ALDH1A2: variants seen among roughly 807,000 people sequenced by gnomAD.
ALDH1A2 encodes the protein retinal dehydrogenase 2.
Under a neutral mutation model 60.3 loss-of-function variants are expected in ALDH1A2, and 27 were observed. That is an observed-to-expected ratio of 0.45 (90% CI 0.33 to 0.62). The LOEUF is 0.62. Ranked by LOEUF, ALDH1A2 falls within the 20% of genes least tolerant of loss-of-function variation. The pLI, the probability that ALDH1A2 is intolerant of heterozygous loss-of-function variation, is 0.02. For synonymous variants in ALDH1A2, 289 were observed against 232.4 expected (o/e 1.24, Z -2.21); for missense variants, 581 against 643.8 (o/e 0.90, Z 1.06).
intron 1 of ALDH1A2, among the ~76,000 whole-genome samples, chr15:58,057,516 C>G (rs1490110305): frequency 6.6e-6 from 1 of 152,174 alleles, no homozygotes; most frequent in Non-Finnish European, 1.5e-5. Flanking sequence ...ACATTAAGAA[C>G]TAACAAATCT....
chr15:57,959,325 G>A (rs1893644532), intron 12 of ALDH1A2, among the ~76,000 whole-genome samples: 1 of 152,200 alleles, frequency 6.6e-6, no homozygotes, highest in Admixed American at 6.5e-5. Context: ...GGAAGCAGAA[G>A]GTGAAGGTCA....
rs561259115 is a variant in ALDH1A2, at chr15:58,042,900, A to T, written c.117+22634T>A. On this transcript the variant is annotated intron_variant, in intron 1 of 12. Coordinates refer to ENST00000249750, the MANE Select transcript of ALDH1A2 (RefSeq NM_003888.4). ...CTTGAAGTCTGAAAGGCCAAATTGA[A>T]TTGCAGTCTTCTCACCTGGCCACTA... 5.3e-5 allele frequency among the ~76,000 whole-genome samples: 8 copies of T among 152,068 alleles called. No homozygotes were observed. The East Asian group carries it at 1.6e-3, about 30-fold the overall frequency.
chr15:58,009,379 G>C (rs780360273), intron 4 of ALDH1A2, among the ~76,000 whole-genome samples: 23 of 151,890 alleles, frequency 1.5e-4, no homozygotes, highest in Non-Finnish European at 3.1e-4. Context: ...AATTGGAGAA[G>C]AACTATTCCC....
chr15:57,986,224 A>G (rs1283484086), intron 7 of ALDH1A2, among the ~76,000 whole-genome samples: 1 of 152,182 alleles, frequency 6.6e-6, no homozygotes. Context: ...ATCTAGAGAA[A>G]AGGAAATCCT....
chr15:58,059,251 G>T (rs185213179), intron 1 of ALDH1A2, among the ~76,000 whole-genome samples: 149 of 152,234 alleles, frequency 9.8e-4, no homozygotes, highest in African/African-American at 3.3e-3. Context: ...TCACCTCTAC[G>T]TGAATTAGAT....
At position 58,065,596 on chromosome 15, in the gene ALDH1A2, G is replaced by A; in HGVS notation, c.55C>T (p.Leu19Phe). 6.2e-7 allele frequency: 1 copy of A among 1,612,378 alleles called. No homozygotes were observed. Among genetic ancestry groups the A allele is most frequent in the Non-Finnish European group, 8.5e-7 (1 of 1,179,100 alleles). The stretch of plus-strand genomic sequence containing the variant: ...GGCAGGAGGTGCAGCGACGCCATGA[G>A]GGCGGCGGGGTCGGCCTTCACCTCG... ...PGEVKADPAA[L>F]MASLHLLPSP... The change falls in exon 1 of 13, where the codon CTC (leucine) becomes TTC (phenylalanine). Residue 19 changes from leucine (L) to phenylalanine (F), a missense_variant. By Grantham distance (22) the Leu-to-Phe change is conservative. Transcript: ENST00000249750.
chr15:58,005,556 C>T (rs773682058), intron 4 of ALDH1A2, among the ~76,000 whole-genome samples: 1 of 151,974 alleles, frequency 6.6e-6, no homozygotes, highest in Admixed American at 6.6e-5. Context: ...ATACCTTTCC[C>T]TAGCCTTCCC....
At chr15:58,053,895 G>A (rs1462190554) in intron 1 of ALDH1A2, among the ~76,000 whole-genome samples, 1 of 152,170 alleles carries the variant, frequency 6.6e-6, no homozygotes, top group Non-Finnish European at 1.5e-5. Flanking sequence ...AACACGTGTA[G>A]TCTTTTAAGA....
intron 12 of ALDH1A2, among the ~76,000 whole-genome samples, chr15:57,958,205 T>TACACGCACGCGCACAC (rs1893598739): frequency 1.2e-5 from 1 of 82,786 alleles, no homozygotes; most frequent in Non-Finnish European, 3.1e-5. Flanking sequence ...TGCATGCGTG[T>TACACGCACGCGCACAC]ACACGCACGC....
In ALDH1A2 at chr15:58,014,104, G is replaced by C. The variant is rs35667670; in HGVS notation, c.222+73C>G. 2.5e-6 allele frequency: 4 copies of C among 1,613,886 alleles called. 1 individual carries two copies. Among genetic ancestry groups the C allele is most frequent in the Admixed American group, 3.3e-5 (2 of 60,030 alleles). ...GCATGAGCATGTAGTGGTGTACTGA[G>C]AGCATATGTTTGCTGCTCTGCTGTT... On this transcript the variant is annotated intron_variant, in intron 2 of 12. Transcript: ENST00000249750.
At position 58,052,966 on chromosome 15, in the gene ALDH1A2, C is replaced by CTAT. The variant is rs1326277748; in HGVS notation, c.117+12565_117+12567dup. Reference sequence around the variant, plus strand: ...TCACTTTCTAGTCCTGGCATTTTAACTATTAATGACTCTGCAAATGAAATC... The same window carrying CTAT: ...TCACTTTCTAGTCCTGGCATTTTAACTATTATTAATGACTCTGCAAATGAAATC... On this transcript the variant is annotated intron_variant, in intron 1 of 12. Coordinates refer to ENST00000249750, the MANE Select transcript of ALDH1A2 (RefSeq NM_003888.4). Among the ~76,000 whole-genome samples the CTAT allele has an allele frequency of 2.0e-5, 3 of 152,146 alleles. No individual in the cohort carries two copies. In the East Asian group the frequency reaches 5.8e-4, roughly 29 times the overall value.
At chr15:58,042,302 ATACC>A (rs1216443854) in intron 1 of ALDH1A2, among the ~76,000 whole-genome samples, 1 of 151,956 alleles carries the variant, frequency 6.6e-6, no homozygotes, top group Non-Finnish European at 1.5e-5. Context: ...CCTCTGACAT[ATACC>A]TACCTATCAT....
chr15:58,009,698 T>G (rs1224137138), intron 4 of ALDH1A2, among the ~76,000 whole-genome samples: 2 of 151,880 alleles, frequency 1.3e-5, no homozygotes, highest in African/African-American at 4.8e-5. Context: ...TAGGATCTAT[T>G]TTGAATTCTC....
intron 7 of ALDH1A2, among the ~76,000 whole-genome samples, chr15:57,973,092 GTTTGC>G (rs1380867201): frequency 2.0e-5 from 3 of 152,208 alleles, no homozygotes; most frequent in Non-Finnish European, 4.4e-5. Flanking sequence ...CTCTGCTGTA[GTTTGC>G]TTTGATGGTC....
Position 57,954,066 on chromosome 15 carries a change from G to A in ALDH1A2, c.*1131C>T. On this transcript the variant is annotated 3_prime_UTR_variant, in exon 13 of 13. Coordinates refer to ENST00000249750, the MANE Select transcript of ALDH1A2 (RefSeq NM_003888.4). Reference sequence around the variant, plus strand: ...TGACAGAGGAGCTCAGTGGAGCACGGCAGTCCTGGCACAATGGAACTTGGC... The same window carrying A: ...TGACAGAGGAGCTCAGTGGAGCACGACAGTCCTGGCACAATGGAACTTGGC... 1 of 152,600 alleles carries A rather than the reference G, an allele frequency of 6.6e-6. No homozygotes were observed. The highest frequency in any genetic ancestry group is 1.5e-5 in the Non-Finnish European group (1 of 68,122). 9.5% of individuals were successfully genotyped at this position (152,600 alleles called of 1,614,324 possible).
chr15:57,999,421 C>T (rs1253081069), intron 4 of ALDH1A2, among the ~76,000 whole-genome samples: 2 of 151,586 alleles, frequency 1.3e-5, no homozygotes, highest in Non-Finnish European at 2.9e-5. Context: ...AGTCACGCAG[C>T]CAAAAAACAT....
chr15:58,028,196 G>A (rs1222761698), intron 1 of ALDH1A2, among the ~76,000 whole-genome samples: 2 of 152,178 alleles, frequency 1.3e-5, no homozygotes, highest in African/African-American at 2.4e-5. Flanking sequence ...ACTAACAGCA[G>A]ATCCCTTGGC....
Position 58,010,644 on chromosome 15 carries a change from C to A in ALDH1A2, c.493+5G>T. On this transcript the variant is annotated splice_donor_5th_base_variant and intron_variant, in intron 4 of 12. Coordinates refer to ENST00000249750, the MANE Select transcript of ALDH1A2 (RefSeq NM_003888.4). ...TCCTTTTCAACGTACTCAGATTTCA[C>A]ATACCTACAGGAATGGTCATCCCAT... 6.2e-7 allele frequency: 1 copy of A among 1,612,708 alleles called. No homozygotes were observed. The highest frequency in any genetic ancestry group is 8.5e-7 in the Non-Finnish European group (1 of 1,178,934).
chr15:57,961,716 G>A (rs541236194), intron 10 of ALDH1A2, among the ~76,000 whole-genome samples: 20 of 152,308 alleles, frequency 1.3e-4, no homozygotes, highest in Non-Finnish European at 2.6e-4. Flanking sequence ...CCCACATTTA[G>A]GAGAGCCGAA....
Sources: gnomAD v4.1 joint callset for allele counts (sites outside exome capture counted in the v4.1 genomes callset) on GRCh38, gnomAD v4.1.1 for gene constraint, MANE v1.5 for transcripts, NCBI Gene and HGNC (gene_info 2026-07-23, HGNC 2026-07-21) for gene names.